Variants in ARID1B observed in about 807,000 individuals in gnomAD.
ARID1B encodes the protein AT-rich interaction domain 1B.
In ARID1B, 30 loss-of-function variants were observed where a neutral mutation model predicts 212.3. The observed-to-expected ratio is 0.14, with a 90% CI of 0.11 to 0.19. The LOEUF is 0.19. Ranked by LOEUF, ARID1B falls within the 10% of genes least tolerant of loss-of-function variation. The pLI, the probability that ARID1B is intolerant of heterozygous loss-of-function variation, is 1.00. For synonymous variants in ARID1B, 1,402 were observed against 1,301.7 expected, an observed-to-expected ratio of 1.08 and a Z score of -1.66; for missense variants, 2,891 against 3,204.0, an observed-to-expected ratio of 0.90 and a Z score of 2.36.
intron 4 of ARID1B, among the ~76,000 whole-genome samples, chr6:156,994,124 A>G (rs1030023137): frequency 2.0e-5 from 3 of 152,210 alleles, no homozygotes; most frequent in Non-Finnish European, 4.4e-5. Flanking sequence ...CCATAAGTAC[A>G]TTTTAAGAAT....
At chr6:157,080,606 A>T (rs966413867) in intron 4 of ARID1B, among the ~76,000 whole-genome samples, 5 of 152,180 alleles carry the variant, frequency 3.3e-5, no homozygotes, top group Non-Finnish European at 7.3e-5. Flanking sequence ...CTGCCCCAAC[A>T]TAGAGAATCT....
intron 1 of ARID1B, among the ~76,000 whole-genome samples, chr6:156,799,826 T>G (rs796756024): frequency 2.2e-4 from 33 of 152,276 alleles, no homozygotes; most frequent in African/African-American, 7.0e-4. Context: ...TGATGAAAGA[T>G]CTTCCTTTCC....
Position 157,145,378 on chromosome 6 carries a change from T to C in ARID1B, c.2762-3246T>C, listed in dbSNP as rs538257008. Reference sequence around the variant, plus strand: ...CAGTGGCAGGATTGAGCAATCGTGATAGAGACTGTTTGCCCCAAATGCCTG... The same window carrying C: ...CAGTGGCAGGATTGAGCAATCGTGACAGAGACTGTTTGCCCCAAATGCCTG... On this transcript the variant is annotated intron_variant, in intron 7 of 19. Transcript: ENST00000636930. 7.9e-5 allele frequency among the ~76,000 whole-genome samples: 12 copies of C among 152,314 alleles called. 1 individual carries two copies. In the South Asian group the frequency reaches 1.9e-3, roughly 24 times the overall value.
At chr6:157,038,552 CAA>C (rs1231533487) in intron 4 of ARID1B, among the ~76,000 whole-genome samples, 7 of 152,016 alleles carry the variant, frequency 4.6e-5, no homozygotes, top group Admixed American at 3.3e-4. Flanking sequence ...TGATACAACT[CAA>C]GTTTATAACC....
intron 4 of ARID1B, among the ~76,000 whole-genome samples, chr6:156,970,017 G>T (rs943873628): frequency 6.6e-6 from 1 of 150,496 alleles, no homozygotes; most frequent in Admixed American, 6.7e-5. Context: ...TGTAGAATTT[G>T]TATTTAATTA....
intron 1 of ARID1B, among the ~76,000 whole-genome samples, chr6:156,801,268 T>G (rs758328835): frequency 4.9e-4 from 72 of 147,594 alleles, no homozygotes; most frequent in Non-Finnish European, 6.8e-4. Flanking sequence ...TGGTGCAATC[T>G]CGGCTCACTG....
intron 1 of ARID1B, among the ~76,000 whole-genome samples, chr6:156,803,171 C>A (rs1780909212): frequency 6.6e-6 from 1 of 151,940 alleles, no homozygotes. Context: ...ATCAGATTGA[C>A]TCTAGTATGC....
intron 2 of ARID1B, among the ~76,000 whole-genome samples, chr6:156,900,465 TG>T (rs1185054223): frequency 6.6e-6 from 1 of 152,222 alleles, no homozygotes; most frequent in Non-Finnish European, 1.5e-5. Context: ...TGTGTGCTTA[TG>T]GGGCTCAAGT....
intron 4 of ARID1B, among the ~76,000 whole-genome samples, chr6:157,059,934 T>A (rs901360893): frequency 3.3e-5 from 5 of 152,224 alleles, no homozygotes; most frequent in Admixed American, 1.3e-4. Flanking sequence ...ACGCTGCCAC[T>A]TCACATCAGC....
intron 3 of ARID1B, among the ~76,000 whole-genome samples, chr6:156,908,888 GT>G (rs1789625691): frequency 6.6e-6 from 1 of 152,018 alleles, no homozygotes; most frequent in Non-Finnish European, 1.5e-5. Context: ...TTTTGTGAAA[GT>G]TTTATTACAA....
chr6:156,893,067 G>T (rs1247139283), intron 2 of ARID1B, among the ~76,000 whole-genome samples: 5 of 47,154 alleles, frequency 1.1e-4, no homozygotes, highest in Admixed American at 8.0e-4. Flanking sequence ...TTTTGAGATG[G>T]AGTCTTGCCC....
intron 3 of ARID1B, among the ~76,000 whole-genome samples, chr6:156,903,257 G>A (rs1789096762): frequency 6.6e-6 from 1 of 152,106 alleles, no homozygotes; most frequent in Non-Finnish European, 1.5e-5. Context: ...AATGTGCTTA[G>A]TTTCAGTCTA....
intron 3 of ARID1B, among the ~76,000 whole-genome samples, chr6:156,934,912 TTATATATATATATATA>T (rs201495355): frequency 0.018 from 928 of 52,634 alleles, 27 homozygotes; most frequent in African/African-American, 0.053. Context: ...TAGTTGTTAA[TTATATATATATATATA>T]TATATATATA....
At chr6:157,156,902 A>G (rs1436979617) in intron 8 of ARID1B, among the ~76,000 whole-genome samples, 1 of 152,196 alleles carries the variant, frequency 6.6e-6, no homozygotes, top group Non-Finnish European at 1.5e-5. Flanking sequence ...CAGGGCTCGC[A>G]CTGGGAGCAC....
intron 4 of ARID1B, among the ~76,000 whole-genome samples, chr6:157,065,103 A>G (rs1002247548): frequency 3.3e-5 from 5 of 152,232 alleles, no homozygotes; most frequent in African/African-American, 1.2e-4. Flanking sequence ...GCAGCATTTT[A>G]TCATATTTGG....
At chr6:157,020,161 GTTTTA>G (rs964985637) in intron 4 of ARID1B, among the ~76,000 whole-genome samples, 13 of 152,304 alleles carry the variant, frequency 8.5e-5, no homozygotes, top group South Asian at 4.1e-4. Flanking sequence ...TTCAGGAAAT[GTTTTA>G]TTTAAGAAAA....
In ARID1B at chr6:156,778,737, T is replaced by C. The variant is rs1562376941; in HGVS notation, c.1057T>C (p.Ser353Pro). Residue 353 changes from serine (S) to proline (P), a missense_variant, in exon 1 of 20, where the codon TCC becomes CCC. By Grantham distance (74) the Ser-to-Pro change is moderately conservative. This residue lies in a region of ARID1B where 1,643 missense variants were observed against 1,544.0 expected (regional missense o/e 1.06). Transcript: ENST00000636930. ...CGGGATGGGGATGATGCACTCCGCC[T>C]CCGCCGCCGCCGCCGGGGCCCCCGG... ...SPGMGMMHSASAAAAGAPGSM... is the reference protein window; with the variant it reads ...SPGMGMMHSAPAAAAGAPGSM... 2 of 1,516,900 alleles carry C rather than the reference T, an allele frequency of 1.3e-6. No individual in the cohort carries two copies. The highest frequency in any genetic ancestry group is 1.2e-5 in the South Asian group (1 of 81,506). 94.0% of individuals were successfully genotyped at this position (1,516,900 alleles called of 1,614,324 possible). A position where few individuals can be genotyped will look rare whatever the true frequency, so the allele number is the denominator to read the frequency against.
Position 156,893,601 on chromosome 6 carries a change from A to T in ARID1B, c.1987-7775A>T, listed in dbSNP as rs550746911. ...CAACAGCAAAACAAATAACCTAATTAAAAAAAATGGCAAAGGACTTGAATA... is the reference window on the plus strand; with the variant it reads ...CAACAGCAAAACAAATAACCTAATTTAAAAAAATGGCAAAGGACTTGAATA... On this transcript the variant is annotated intron_variant, in intron 2 of 19. Transcript: ENST00000636930. 7.3e-4 allele frequency among the ~76,000 whole-genome samples: 58 copies of T among 79,174 alleles called. No homozygotes were observed. In the South Asian group the frequency reaches 0.015, roughly 20 times the overall value. The allele number at this position is 79,174 out of a possible 152,430, so 51.9% of individuals were successfully genotyped here. A position where few individuals can be genotyped will look rare whatever the true frequency, so the allele number is the denominator to read the frequency against.
At chr6:156,974,832 G>C (rs1186894135) in intron 4 of ARID1B, among the ~76,000 whole-genome samples, 1 of 152,160 alleles carries the variant, frequency 6.6e-6, no homozygotes, top group Admixed American at 6.5e-5. Context: ...AGCACACACT[G>C]TCTCTCCCTT....
Sources: gnomAD v4.1 joint callset for allele counts (sites outside exome capture counted in the v4.1 genomes callset) on GRCh38, gnomAD v4.1.1 for gene constraint, gnomAD v4.1.1 regional missense constraint, MANE v1.5 for transcripts, NCBI Gene and HGNC (gene_info 2026-07-23, HGNC 2026-07-21) for gene names.